The following PIK3C2A variants were observed in gnomAD, a reference collection of about 807,000 sequenced individuals.
PIK3C2A encodes the protein phosphatidylinositol 4-phosphate 3-kinase C2 domain-containing subunit alpha.
A neutral mutation model predicts 204.5 loss-of-function variants in PIK3C2A; 97 were observed. That is an observed-to-expected ratio of 0.47 (90% CI 0.40 to 0.56). The LOEUF (loss-of-function observed/expected upper bound fraction) is 0.56, where lower values mean the gene tolerates loss of function less well. Among genes scored for constraint, PIK3C2A ranks in the 20% least tolerant of loss-of-function variants. The pLI, the probability that PIK3C2A is intolerant of heterozygous loss-of-function variation, is 0.00. For missense variants in PIK3C2A, 1,735 were observed against 1,969.2 expected (o/e 0.88, Z 2.25); for synonymous variants, 653 against 664.4 (o/e 0.98, Z 0.26).
intron 7 of PIK3C2A, 54 bp from the exon 8 acceptor site, chr11:17,145,785 T>G (rs1850224346): frequency 1.3e-6 from 2 of 1,553,342 alleles, no homozygotes; most frequent in Non-Finnish European, 1.8e-6. Context: ...AAAATGATTG[T>G]TTTCATCACC....
At chr11:17,149,931 A>G (rs1300440231) in intron 4 of PIK3C2A, among the ~76,000 whole-genome samples, 1 of 152,214 alleles carries the variant, frequency 6.6e-6, no homozygotes, top group Non-Finnish European at 1.5e-5. Flanking sequence ...AAAGTACTGT[A>G]GAAATACAGG....
In PIK3C2A at chr11:17,087,701, G is replaced by C. The variant is rs1437402478; in HGVS notation, c.*2037C>G. On this transcript the variant is annotated 3_prime_UTR_variant, in exon 33 of 33. Coordinates refer to ENST00000691414, the MANE Select transcript of PIK3C2A (RefSeq NM_002645.4). ...GGTGGAATGGAATTCGGTCTCAAAAGCTTAAGTGAAAATTACTAGTACATT... is the reference window on the plus strand; with the variant it reads ...GGTGGAATGGAATTCGGTCTCAAAACCTTAAGTGAAAATTACTAGTACATT... 1 of 152,200 alleles carries C rather than the reference G, an allele frequency of 6.6e-6. No homozygotes were observed. The highest frequency in any genetic ancestry group is 1.5e-5 in the Non-Finnish European group (1 of 68,034). The allele number at this position is 152,200 out of a possible 1,614,324, so 9.4% of individuals were successfully genotyped here.
rs1052883480 is a variant in PIK3C2A, at chr11:17,090,051, C to T, written c.4879-131G>A. ...ATGAGTGACACTGATTATGACACATCCGGTAGGTTTTGTCTGAATACTTTA... is the reference window on the plus strand; with the variant it reads ...ATGAGTGACACTGATTATGACACATTCGGTAGGTTTTGTCTGAATACTTTA... On this transcript the variant is annotated intron_variant, in intron 32 of 32. Transcript: ENST00000691414. 1.4e-5 allele frequency: 9 copies of T among 660,808 alleles called. No homozygotes were observed. In the African/African-American group the frequency reaches 1.6e-4, roughly 12 times the overall value. 40.9% of individuals were successfully genotyped at this position (660,808 alleles called of 1,614,324 possible).
chr11:17,123,779 C>CT (rs11440728), intron 13 of PIK3C2A, among the ~76,000 whole-genome samples: 143,752 of 152,220 alleles, frequency 0.94, 68,487 homozygotes, highest in Non-Finnish European at 0.98. Context: ...AAGCAATGGG[C>CT]CAAGTATGCT....
intron 2 of PIK3C2A, among the ~76,000 whole-genome samples, chr11:17,162,347 A>G (rs1850803686): frequency 6.6e-6 from 1 of 151,890 alleles, no homozygotes; most frequent in African/African-American, 2.4e-5. Context: ...TCTAAAAAAA[A>G]AAAACAAAAA....
At chr11:17,091,878 C>A in intron 30 of PIK3C2A, 118 bp downstream of exon 30, 1 of 761,922 alleles carries the variant, frequency 1.3e-6, no homozygotes, top group South Asian at 1.5e-5. Flanking sequence ...AGAAAGAATA[C>A]TCTCCTCCCA....
intron 1 of PIK3C2A, among the ~76,000 whole-genome samples, chr11:17,184,976 TA>T (rs1365891393): frequency 1.3e-5 from 2 of 152,010 alleles, no homozygotes; most frequent in Non-Finnish European, 2.9e-5. Context: ...GAAAAAAATA[TA>T]TATTTTTACA....
At chr11:17,108,404 C>T (rs1408995501) in intron 22 of PIK3C2A, among the ~76,000 whole-genome samples, 1 of 151,930 alleles carries the variant, frequency 6.6e-6, no homozygotes, top group Admixed American at 6.6e-5. Context: ...AGTTCGAGGC[C>T]GGCCTCGACA....
chr11:17,091,991 C>G lies in PIK3C2A; in HGVS notation c.4642+5G>C, dbSNP rs1310439900. 1 of 1,586,116 alleles carries G rather than the reference C, an allele frequency of 6.3e-7. No individual in the cohort carries two copies. The highest frequency in any genetic ancestry group is 2.2e-5 in the East Asian group (1 of 44,740). On this transcript the variant is annotated splice_donor_5th_base_variant and intron_variant, in intron 30 of 32. Coordinates refer to ENST00000691414, the MANE Select transcript of PIK3C2A (RefSeq NM_002645.4). ...TACCAATAAAGAGAAAAAAAATAAT[C>G]TCACCTGCAGACCTAGCTATCCCTT...
At chr11:17,147,435 AATGTAC>A (rs775895360) in intron 6 of PIK3C2A, 76 bp downstream of exon 6, 32 of 747,028 alleles carry the variant, frequency 4.3e-5, no homozygotes, top group Non-Finnish European at 6.1e-5. Flanking sequence ...AATCATGAAA[AATGTAC>A]AAGTTGAAAA....
intron 8 of PIK3C2A, chr11:17,141,247 T>C (rs1021410978): frequency 6.6e-6 from 1 of 151,826 alleles, no homozygotes; most frequent in Non-Finnish European, 1.5e-5. Flanking sequence ...GATTTTCTCT[T>C]ATTTTGCTTT....
Position 17,145,935 on chromosome 11 carries a change from T to C in PIK3C2A, c.1568A>G (p.Asp523Gly), listed in dbSNP as rs755732683. 4 of 1,612,678 alleles carry C rather than the reference T, an allele frequency of 2.5e-6. No individual in the cohort carries two copies. Among genetic ancestry groups the C allele is most frequent in the Non-Finnish European group, 3.4e-6 (4 of 1,179,410 alleles). Residue 523 changes from aspartate (D) to glycine (G), a missense_variant, in exon 7 of 33, where the codon GAT (aspartate) becomes GGT (glycine). Physicochemically the swap from Asp to Gly is moderately conservative, Grantham distance 94. This residue lies in a region of PIK3C2A where 106 missense variants were observed against 108.2 expected (regional missense o/e 0.98). Coordinates refer to ENST00000691414, the MANE Select transcript of PIK3C2A (RefSeq NM_002645.4). ...GTTTAAATCCACGGGTGTTTCATCA[T>C]CTTCTGCCTAAACAAACACATATAC... is the stretch of plus-strand genomic sequence containing the variant. ...MCQNLARTAEDDETPVDLNKH... is the reference protein window; with the variant it reads ...MCQNLARTAEGDETPVDLNKH...
intron 8 of PIK3C2A, among the ~76,000 whole-genome samples, chr11:17,141,764 G>A (rs1850071971): frequency 6.6e-6 from 1 of 152,220 alleles, no homozygotes; most frequent in Non-Finnish European, 1.5e-5. Context: ...GAGGGCAGGG[G>A]TAGACACTGG....
chr11:17,116,966 G>C (rs1054834476), intron 19 of PIK3C2A, among the ~76,000 whole-genome samples: 1 of 152,010 alleles, frequency 6.6e-6, no homozygotes, highest in African/African-American at 2.4e-5. Context: ...AACCAAATGT[G>C]GTATATCCAC....
intron 1 of PIK3C2A, among the ~76,000 whole-genome samples, chr11:17,180,160 T>TA (rs1304675912): frequency 1.3e-5 from 2 of 151,314 alleles, no homozygotes; most frequent in African/African-American, 4.9e-5. Context: ...AAAGCTAAAA[T>TA]AAAAATAACT....
At chr11:17,179,597 T>C (rs1183284680) in intron 1 of PIK3C2A, among the ~76,000 whole-genome samples, 1 of 152,138 alleles carries the variant, frequency 6.6e-6, no homozygotes, top group African/African-American at 2.4e-5. Flanking sequence ...ATCAACCACA[T>C]AGGATAAGTT....
intron 19 of PIK3C2A, among the ~76,000 whole-genome samples, chr11:17,115,276 T>C (rs1849142528): frequency 6.7e-6 from 1 of 149,368 alleles, no homozygotes. Flanking sequence ...CTCATATCTA[T>C]AATCCTAGGA....
chr11:17,096,042 CTT>C (rs369643057), intron 27 of PIK3C2A, among the ~76,000 whole-genome samples: 14 of 145,006 alleles, frequency 9.7e-5, no homozygotes, highest in Admixed American at 1.4e-4. Flanking sequence ...GCTAGTTAAA[CTT>C]TTTTTTTTTT....
chr11:17,168,458 GTAGTCCCAGC>G (rs776393496), intron 2 of PIK3C2A, among the ~76,000 whole-genome samples: 3 of 152,028 alleles, frequency 2.0e-5, no homozygotes, highest in Non-Finnish European at 4.4e-5. Flanking sequence ...GCGGGTGCCT[GTAGTCCCAGC>G]CACTCGGGAG....
Sources: allele counts gnomAD v4.1 joint callset (sites outside exome capture counted in the v4.1 genomes callset), GRCh38; gene constraint gnomAD v4.1.1; regional missense constraint gnomAD v4.1.1; transcripts MANE v1.5; gene names NCBI Gene and HGNC (gene_info 2026-07-23, HGNC 2026-07-21).